Variants in KLF12 observed in about 807,000 individuals in gnomAD.
The protein encoded by KLF12 is Krueppel-like factor 12.
A neutral mutation model predicts 37.8 loss-of-function variants in KLF12; 9 were observed. The ratio of observed to expected loss-of-function variants is 0.24; its 90% CI spans 0.14 to 0.42. KLF12 has a LOEUF of 0.42. Ranked by LOEUF, KLF12 falls within the 10% of genes least tolerant of loss-of-function variation. The probability of loss-of-function intolerance (pLI) is 1.00; values close to 1 mark genes in which losing one functional copy is unlikely to be tolerated. For missense variants in KLF12, 411 were observed against 516.0 expected, an observed-to-expected ratio of 0.80 and a Z score of 1.97; for synonymous variants, 208 against 202.1, an observed-to-expected ratio of 1.03 and a Z score of -0.25.
chr13:73,864,168 T>C (rs1483936542), intron 3 of KLF12, among the ~76,000 whole-genome samples: 1 of 152,150 alleles, frequency 6.6e-6, no homozygotes, highest in Non-Finnish European at 1.5e-5. Flanking sequence ...AATGGAATTC[T>C]AAATAGCAAT....
chr13:74,058,382 A>T (rs1377169738), intron 1 of KLF12, among the ~76,000 whole-genome samples: 2 of 122,040 alleles, frequency 1.6e-5, no homozygotes, highest in Admixed American at 9.9e-5. Flanking sequence ...TTTGAGACAG[A>T]GTCTCGCTCT....
chr13:73,961,879 T>A, intron 2 of KLF12: 1 of 397,876 alleles, frequency 2.5e-6, no homozygotes. Flanking sequence ...CAACAGGAAC[T>A]CTCATTTCTG....
chr13:74,248,122 A>G, the KLF12 span, among the ~76,000 whole-genome samples: 2 of 152,222 alleles, frequency 1.3e-5, no homozygotes, highest in African/African-American at 2.4e-5. Flanking sequence ...TGCTGCTTCA[A>G]ATATTGGGGA....
the KLF12 span, among the ~76,000 whole-genome samples, chr13:74,261,462 T>C: frequency 1.3e-5 from 2 of 152,184 alleles, no homozygotes; most frequent in Admixed American, 6.5e-5. Context: ...AAATTTCATT[T>C]TCCCATTCTA....
At position 73,850,900 on chromosome 13, in the gene KLF12, C is replaced by G. The variant is rs113659347; in HGVS notation, c.124-4527G>C. 8.6e-3 allele frequency among the ~76,000 whole-genome samples: 1,307 copies of G among 152,294 alleles called. 14 individuals carry two copies. The highest frequency in any genetic ancestry group is 0.029 in the African/African-American group (1,220 of 41,558). On this transcript the variant is annotated intron_variant, in intron 3 of 7. Coordinates refer to ENST00000377669, the MANE Select transcript of KLF12 (RefSeq NM_007249.5). ...TACATAGCTCATGGCTTAACTGTCA[C>G]AAGAATCTTTGTTTTGTATCCTGTT...
At chr13:73,769,275 C>A (rs1453080065) in intron 5 of KLF12, among the ~76,000 whole-genome samples, 2 of 152,138 alleles carry the variant, frequency 1.3e-5, no homozygotes, top group Non-Finnish European at 2.9e-5. Flanking sequence ...GTATCCACAC[C>A]GCTCTGATGA....
intron 4 of KLF12, among the ~76,000 whole-genome samples, chr13:73,843,655 GTTA>G (rs956082187): frequency 1.3e-5 from 2 of 152,214 alleles, no homozygotes; most frequent in South Asian, 2.1e-4. Context: ...GCTAGATCAT[GTTA>G]TTATCCCTAT....
intron 5 of KLF12, chr13:73,800,121 G>A (rs534792161): frequency 6.6e-6 from 1 of 152,076 alleles, no homozygotes; most frequent in African/African-American, 2.4e-5. Context: ...TGAGTTTATA[G>A]ACTGAATATA....
At chr13:73,987,539 T>C (rs1352194525) in intron 2 of KLF12, among the ~76,000 whole-genome samples, 1 of 150,036 alleles carries the variant, frequency 6.7e-6, no homozygotes, top group African/African-American at 2.5e-5. Context: ...ACCACTATAA[T>C]CAAGTGGCCA....
intron 5 of KLF12, among the ~76,000 whole-genome samples, chr13:73,787,805 CAA>C (rs112633941): frequency 1.3e-5 from 2 of 151,490 alleles, no homozygotes; most frequent in South Asian, 4.2e-4. Flanking sequence ...TATTTTTAAA[CAA>C]AAAAAAGTAC....
At chr13:74,261,766 TG>T in the KLF12 span, among the ~76,000 whole-genome samples, 8 of 152,256 alleles carry the variant, frequency 5.3e-5, no homozygotes, top group Non-Finnish European at 1.0e-4. Context: ...GGATTTGCTA[TG>T]AAGCCATTTG....
At chr13:74,080,627 A>C (rs1195378858) in intron 1 of KLF12, among the ~76,000 whole-genome samples, 1 of 152,232 alleles carries the variant, frequency 6.6e-6, no homozygotes, top group Non-Finnish European at 1.5e-5. Flanking sequence ...AGGGTAAAAT[A>C]ACTGGTATTT....
chr13:73,953,049 T>C (rs1415672955), intron 2 of KLF12, among the ~76,000 whole-genome samples: 1 of 152,138 alleles, frequency 6.6e-6, no homozygotes, highest in African/African-American at 2.4e-5. Context: ...ATGACAAAGA[T>C]TTTTCTAGAT....
intron 3 of KLF12, among the ~76,000 whole-genome samples, chr13:73,877,788 G>C (rs1406986026): frequency 6.6e-6 from 1 of 152,062 alleles, no homozygotes; most frequent in Non-Finnish European, 1.5e-5. Flanking sequence ...TATTGATATG[G>C]ACAGGAGGCA....
chr13:73,882,768 C>T (rs747232436), intron 3 of KLF12, among the ~76,000 whole-genome samples: 28 of 152,054 alleles, frequency 1.8e-4, no homozygotes, highest in Non-Finnish European at 2.8e-4. Context: ...AAAAGAATTA[C>T]GAATATTTCA....
chr13:73,945,019 G>T (rs911171850), intron 2 of KLF12, among the ~76,000 whole-genome samples: 6 of 152,066 alleles, frequency 3.9e-5, no homozygotes, highest in Admixed American at 3.9e-4. Flanking sequence ...CTTAATTACA[G>T]AATGTAACCA....
At chr13:74,204,051 T>C in the KLF12 span, among the ~76,000 whole-genome samples, 1 of 152,128 alleles carries the variant, frequency 6.6e-6, no homozygotes, top group South Asian at 2.1e-4. Flanking sequence ...TAAGTCGAGA[T>C]TTTGCAGTGC....
At chr13:73,989,564 T>C (rs1365288225) in intron 2 of KLF12, among the ~76,000 whole-genome samples, 3 of 152,210 alleles carry the variant, frequency 2.0e-5, no homozygotes, top group Non-Finnish European at 4.4e-5. Flanking sequence ...TAAGGGGCAC[T>C]GCTGTCCAAT....
chr13:73,909,174 C>T (rs1888455538), intron 3 of KLF12, among the ~76,000 whole-genome samples: 1 of 152,170 alleles, frequency 6.6e-6, no homozygotes, highest in South Asian at 2.1e-4. Flanking sequence ...AAAAGATCAC[C>T]TTCTAACCCT....
Sources: gnomAD v4.1 joint callset for allele counts (sites outside exome capture counted in the v4.1 genomes callset) on GRCh38, gnomAD v4.1.1 for gene constraint, MANE v1.5 for transcripts, NCBI Gene and HGNC (gene_info 2026-07-23, HGNC 2026-07-21) for gene names.